The following CYB5R4 variants were observed in gnomAD, a reference collection of about 807,000 sequenced individuals.
The protein encoded by CYB5R4 is cytochrome b5 reductase 4.
CYB5R4 carries 55 observed loss-of-function variants against 70.2 expected under a neutral mutation model. The observed-to-expected ratio is 0.78, with a 90% CI of 0.63 to 0.98. CYB5R4 has a LOEUF of 0.98. Among genes scored for constraint, CYB5R4 ranks in the 50% least tolerant of loss-of-function variants. The pLI is 0.00. For missense variants in CYB5R4, 562 were observed against 612.6 expected (o/e 0.92, Z 0.87); for synonymous variants, 197 against 199.5 (o/e 0.99, Z 0.11).
At chr6:83,924,401 A>G (rs1272249856) in intron 9 of CYB5R4, 69 bp from the exon 10 acceptor site, 3 of 1,509,876 alleles carry the variant, frequency 2.0e-6, no homozygotes, top group Non-Finnish European at 2.7e-6. Context: ...TATTTGAGAA[A>G]TACTGGTTTT....
intron 3 of CYB5R4, among the ~76,000 whole-genome samples, chr6:83,900,025 C>T (rs934691698): frequency 6.6e-5 from 10 of 152,178 alleles, no homozygotes; most frequent in African/African-American, 2.4e-4. Flanking sequence ...AATGTGTTTG[C>T]TCTTGCTTCT....
chr6:83,862,418 G>A (rs945402532), intron 1 of CYB5R4, among the ~76,000 whole-genome samples: 1 of 152,174 alleles, frequency 6.6e-6, no homozygotes, highest in Non-Finnish European at 1.5e-5. Context: ...ACTACAACAG[G>A]GTGGTATGAC....
chr6:83,918,210 T>G, intron 6 of CYB5R4, 145 bp downstream of exon 6: 1 of 531,052 alleles, frequency 1.9e-6, no homozygotes, highest in Non-Finnish European at 3.4e-6. Flanking sequence ...GCCTCATTTA[T>G]TAGATGTTGT....
chr6:83,954,765 G>A (rs1299477390), intron 14 of CYB5R4, among the ~76,000 whole-genome samples: 3 of 151,780 alleles, frequency 2.0e-5, no homozygotes, highest in African/African-American at 7.3e-5. Context: ...TAAGAGACAG[G>A]TTCTTGCTCT....
At chr6:83,909,919 A>C (rs2099464416) in intron 4 of CYB5R4, 2 of 1,094,120 alleles carry the variant, frequency 1.8e-6, no homozygotes, top group Admixed American at 2.1e-5. Context: ...CCCACAACAA[A>C]GGATTTTCTG....
At chr6:83,868,285 C>T (rs372529842) in intron 2 of CYB5R4, among the ~76,000 whole-genome samples, 3 of 152,000 alleles carry the variant, frequency 2.0e-5, no homozygotes, top group East Asian at 3.9e-4. Context: ...TCAGTTTCTT[C>T]AGGAAATCTT....
intron 10 of CYB5R4, among the ~76,000 whole-genome samples, chr6:83,925,457 A>G (rs770251576): frequency 1.3e-5 from 2 of 152,142 alleles, no homozygotes; most frequent in African/African-American, 2.4e-5. Flanking sequence ...GATACCATTC[A>G]TTTCTTTTCA....
chr6:83,899,664 G>A (rs2099462535), intron 3 of CYB5R4, among the ~76,000 whole-genome samples: 1 of 152,032 alleles, frequency 6.6e-6, no homozygotes, highest in African/African-American at 2.4e-5. Context: ...GACTATTCAG[G>A]GATTCAACTT....
Position 83,910,323 on chromosome 6 carries a change from A to G in CYB5R4, c.412+1233A>G, listed in dbSNP as rs187632794. 3.0e-3 allele frequency: 1,787 copies of G among 591,966 alleles called. 22 individuals carry two copies. The highest frequency in any genetic ancestry group is 0.021 in the East Asian group (716 of 34,634). The allele number at this position is 591,966 out of a possible 1,614,324, so 36.7% of individuals were successfully genotyped here. On this transcript the variant is annotated intron_variant, in intron 4 of 15. Coordinates refer to ENST00000369681, the MANE Select transcript of CYB5R4 (RefSeq NM_016230.4). The stretch of plus-strand genomic sequence containing the variant: ...TAGACAAAGCACAAGCTCAGAGACT[A>G]ACTGATAGGGGAGAAGTAAGACGGT...
chr6:83,908,966 G>A (rs1277788924), intron 3 of CYB5R4, 43 bp from the exon 4 acceptor site: 2 of 1,510,108 alleles, frequency 1.3e-6, no homozygotes, highest in East Asian at 2.3e-5. Flanking sequence ...GCATCCTGTG[G>A]AGTTAGTCAT....
At chr6:83,897,482 C>G (rs567661545) in intron 3 of CYB5R4, among the ~76,000 whole-genome samples, 1 of 152,294 alleles carries the variant, frequency 6.6e-6, no homozygotes, top group South Asian at 2.1e-4. Flanking sequence ...CACTGACTTC[C>G]ACAATGGTTG....
intron 2 of CYB5R4, among the ~76,000 whole-genome samples, chr6:83,868,327 G>A (rs772754724): frequency 1.3e-5 from 2 of 152,158 alleles, no homozygotes; most frequent in African/African-American, 4.8e-5. Flanking sequence ...GGGTTTTTAT[G>A]ACTAATATTT....
chr6:83,873,572 G>A (rs1267909758), intron 2 of CYB5R4, among the ~76,000 whole-genome samples: 1 of 152,098 alleles, frequency 6.6e-6, no homozygotes, highest in African/African-American at 2.4e-5. Flanking sequence ...ATGAAACATA[G>A]TTTTTGCTTT....
rs370017654 is a variant in CYB5R4 at position 83,967,342 on chromosome 6, T to C, written c.*7464T>C. The C allele has an allele frequency of 7.9e-5, 12 of 152,302 alleles. No individual in the cohort carries two copies. The highest frequency in any genetic ancestry group is 1.2e-4 in the African/African-American group (5 of 41,562). 9.4% of individuals were successfully genotyped at this position (152,302 alleles called of 1,614,324 possible). A position where few individuals can be genotyped will look rare whatever the true frequency, so the allele number is the denominator to read the frequency against. ...ATAGGTATATGCTAAACTATTTCAG[T>C]AGTTTTGGCAGTGGTTGTATTAGTA... is the stretch of plus-strand genomic sequence containing the variant. On this transcript the variant is annotated 3_prime_UTR_variant, in exon 16 of 16. Transcript: ENST00000369681.
At chr6:83,896,633 T>G (rs1414279089) in intron 3 of CYB5R4, among the ~76,000 whole-genome samples, 1 of 152,248 alleles carries the variant, frequency 6.6e-6, no homozygotes, top group Non-Finnish European at 1.5e-5. Flanking sequence ...TTCCATTGTA[T>G]GCATATATTA....
rs772286158 is a variant in CYB5R4 at position 83,922,482 on chromosome 6, A to G, written c.691+12A>G. On this transcript the variant is annotated intron_variant, in intron 9 of 15. Transcript: ENST00000369681. ...GGAAGATTTTTCTGGTAAGCTACCA[A>G]AAACCAAAAATTATGTATGTACGTA... 1.2e-6 allele frequency: 2 copies of G among 1,610,464 alleles called. No homozygotes were observed. The highest frequency in any genetic ancestry group is 2.7e-5 in the African/African-American group (2 of 74,806).
chr6:83,894,804 G>A (rs2099461610), intron 3 of CYB5R4, among the ~76,000 whole-genome samples: 1 of 152,136 alleles, frequency 6.6e-6, no homozygotes, highest in African/African-American at 2.4e-5. Context: ...AAGTGGAAGT[G>A]GATCATCATG....
At chr6:83,880,549 T>A (rs1250469563) in intron 2 of CYB5R4, among the ~76,000 whole-genome samples, 1 of 152,228 alleles carries the variant, frequency 6.6e-6, no homozygotes, top group Non-Finnish European at 1.5e-5. Flanking sequence ...CCGATTTAAT[T>A]ATTGTAAATG....
At chr6:83,886,625 G>A (rs946403329) in intron 2 of CYB5R4, among the ~76,000 whole-genome samples, 14 of 152,168 alleles carry the variant, frequency 9.2e-5, no homozygotes, top group Non-Finnish European at 1.3e-4. Flanking sequence ...TAGGGGTAGG[G>A]TGGATGGGAG....
Sources: gnomAD v4.1 joint callset for allele counts (sites outside exome capture counted in the v4.1 genomes callset) on GRCh38, gnomAD v4.1.1 for gene constraint, MANE v1.5 for transcripts, NCBI Gene and HGNC (gene_info 2026-07-23, HGNC 2026-07-21) for gene names.